Variants in SENP6 observed in about 807,000 individuals in gnomAD.
SENP6 encodes the protein sentrin-specific protease 6.
SENP6 carries 41 observed loss-of-function variants against 134.5 expected under a neutral mutation model. The observed-to-expected ratio is 0.30, with a 90% CI of 0.24 to 0.40. The LOEUF (loss-of-function observed/expected upper bound fraction) is 0.40. Ranked by LOEUF, SENP6 falls within the 10% of genes least tolerant of loss-of-function variation. The probability of loss-of-function intolerance (pLI) is 1.00; values close to 1 mark genes in which losing one functional copy is unlikely to be tolerated. For synonymous variants in SENP6, 395 were observed against 429.8 expected (o/e 0.92, Z 1.00); for missense variants, 1,248 against 1,312.5 (o/e 0.95, Z 0.76).
chr6:75,655,533 A>C (rs1771251699), intron 7 of SENP6, among the ~76,000 whole-genome samples: 1 of 152,076 alleles, frequency 6.6e-6, no homozygotes. Context: ...CTGTTCTAGG[A>C]CTTCATGTAA....
In SENP6 at chr6:75,703,049, G is replaced by A. The variant is rs1454031726; in HGVS notation, c.2693G>A (p.Ser898Asn). The change falls in exon 19 of 24, where the codon AGT becomes AAT. Residue 898 changes from serine (S) to asparagine (N), a missense_variant. This residue lies in a region of SENP6 where 386 missense variants were observed against 395.0 expected (regional missense o/e 0.98). Coordinates refer to ENST00000447266, the MANE Select transcript of SENP6 (RefSeq NM_015571.4). ...TKSENGLQNE[S>N]LSSTHHTDGL... ...AGTGAGAATGGCCTACAGAATGAAAGTTTAAGTTCCACACATCATACAGGT... is the reference window on the plus strand; with the variant it reads ...AGTGAGAATGGCCTACAGAATGAAAATTTAAGTTCCACACATCATACAGGT... 1.2e-6 allele frequency: 2 copies of A among 1,608,730 alleles called. No homozygotes were observed. The highest frequency in any genetic ancestry group is 1.7e-6 in the Non-Finnish European group (2 of 1,178,194).
At chr6:75,700,547 C>A (rs1286896061) in intron 18 of SENP6, among the ~76,000 whole-genome samples, 1 of 152,104 alleles carries the variant, frequency 6.6e-6, no homozygotes, top group African/African-American at 2.4e-5. Flanking sequence ...AGTGCAGTGG[C>A]ACCATCTCGG....
chr6:75,685,904 A>G (rs989265989), intron 16 of SENP6, among the ~76,000 whole-genome samples: 2 of 152,134 alleles, frequency 1.3e-5, no homozygotes, highest in African/African-American at 2.4e-5. Flanking sequence ...GTAGATGTCT[A>G]TTAGGTCTGC....
chr6:75,610,457 A>G (rs1767359837), intron 1 of SENP6, among the ~76,000 whole-genome samples: 1 of 152,208 alleles, frequency 6.6e-6, no homozygotes. Context: ...TCATCAGGTA[A>G]TAAAACAATG....
chr6:75,674,213 G>A (rs904046862), intron 11 of SENP6, among the ~76,000 whole-genome samples: 1 of 142,604 alleles, frequency 7.0e-6, no homozygotes, highest in Non-Finnish European at 1.5e-5. Context: ...CTGGAGTTCA[G>A]TGCTGCAGTC....
intron 7 of SENP6, among the ~76,000 whole-genome samples, chr6:75,648,153 A>G (rs1770599874): frequency 6.6e-6 from 1 of 152,178 alleles, no homozygotes; most frequent in Non-Finnish European, 1.5e-5. Context: ...TTTTGCTTCT[A>G]AAATTTAGAA....
Position 75,713,569 on chromosome 6 carries a change from A to C in SENP6, c.2966A>C (p.Lys989Thr), listed in dbSNP as rs770274947. The change falls in exon 22 of 24, where the codon AAA becomes ACA. Residue 989 changes from lysine (K) to threonine (T), a missense_variant. Lys to Thr is a moderately conservative substitution (Grantham distance 78, BLOSUM62 -1). Around this residue, in one of 3 missense-constraint regions of SENP6, gnomAD observed 386 missense variants for 395.0 expected, o/e 0.98. Coordinates refer to ENST00000447266, the MANE Select transcript of SENP6 (RefSeq NM_015571.4). ...GGCCCTTCTCGGTCAAATGTTGTCA[A>C]AATTTTAAGAGAGTAAGTTCACACT... is the stretch of plus-strand genomic sequence containing the variant. ...LRGPSRSNVV[K>T]ILREYLEVEW... The C allele has an allele frequency of 6.2e-7, 1 of 1,613,770 alleles. No homozygotes were observed. The highest frequency in any genetic ancestry group is 8.5e-7 in the Non-Finnish European group (1 of 1,179,768).
rs145031402 is a variant in SENP6, at chr6:75,663,290, A to G, written c.766A>G (p.Ile256Val). The G allele has an allele frequency of 5.4e-3, 8,755 of 1,613,736 alleles. 30 individuals are homozygous for G. Among genetic ancestry groups the G allele is most frequent in the Non-Finnish European group, 6.6e-3 (7,754 of 1,179,722 alleles). The part of the protein sequence containing the change: ...ESTGPLLRTS[I>V]HQNSGGQKSQ... ...TACTGGACCATTATTAAGAACGTCA[A>G]TTCATCAGAATTCTGGAGGACAGAA... is the stretch of plus-strand genomic sequence containing the variant. Residue 256 changes from isoleucine to valine, a missense_variant, in exon 9 of 24, where the codon ATT becomes GTT. Physicochemically the swap from Ile to Val is conservative, Grantham distance 29 (BLOSUM62 3). Around this residue, in one of 3 missense-constraint regions of SENP6, gnomAD observed 733 missense variants for 725.4 expected, o/e 1.01. Transcript: ENST00000447266.
chr6:75,681,520 G>A (rs976320258), intron 16 of SENP6, among the ~76,000 whole-genome samples: 12 of 150,974 alleles, frequency 7.9e-5, no homozygotes, highest in African/African-American at 2.0e-4. Flanking sequence ...GTGCAGTGGC[G>A]CGATCTTGGC....
chr6:75,688,544 C>A (rs77231818), intron 16 of SENP6, among the ~76,000 whole-genome samples: 19 of 152,058 alleles, frequency 1.2e-4, no homozygotes, highest in Non-Finnish European at 2.5e-4. Context: ...ACCCCACCCC[C>A]CCGTCCAGGA....
chr6:75,670,459 A>G, intron 10 of SENP6, 94 bp from the exon 11 acceptor site: 3 of 795,636 alleles, frequency 3.8e-6, no homozygotes, highest in Non-Finnish European at 5.7e-6. Context: ...TGTGATATTT[A>G]CATTTCTTAT....
In SENP6 at chr6:75,624,338, A is replaced by G. The variant is rs1054718970; in HGVS notation, c.207+378A>G. 2.6e-5 allele frequency among the ~76,000 whole-genome samples: 4 copies of G among 152,332 alleles called. No individual in the cohort carries two copies. In the East Asian group the frequency reaches 7.7e-4, roughly 29 times the overall value. On this transcript the variant is annotated intron_variant, in intron 3 of 23. Transcript: ENST00000447266. Reference sequence around the variant, plus strand: ...ATTCCACCTATTGATGGATATTTACAGAGTTGTCAACTTTTTAATTTTTTT... The same window carrying G: ...ATTCCACCTATTGATGGATATTTACGGAGTTGTCAACTTTTTAATTTTTTT...
At chr6:75,685,780 T>C (rs1206135297) in intron 16 of SENP6, among the ~76,000 whole-genome samples, 1 of 152,218 alleles carries the variant, frequency 6.6e-6, no homozygotes, top group African/African-American at 2.4e-5. Flanking sequence ...TGATTTCTAT[T>C]CTTTTACATT....
chr6:75,709,750 T>C (rs1775642663), intron 20 of SENP6, 120 bp downstream of exon 20: 2 of 593,438 alleles, frequency 3.4e-6, no homozygotes, highest in Non-Finnish European at 5.9e-6. Flanking sequence ...CAGAAAGATC[T>C]CTTGAGCCTA....
chr6:75,688,392 G>A (rs774466929), intron 16 of SENP6, among the ~76,000 whole-genome samples: 1 of 152,112 alleles, frequency 6.6e-6, no homozygotes, highest in Non-Finnish European at 1.5e-5. Context: ...CACCCTCCAT[G>A]GGCTGCATCC....
intron 3 of SENP6, among the ~76,000 whole-genome samples, chr6:75,626,771 A>G (rs1389373188): frequency 1.3e-5 from 2 of 152,144 alleles, no homozygotes; most frequent in South Asian, 2.1e-4. Context: ...GTATGACTCT[A>G]TTTCCCTGTA....
At chr6:75,690,288 T>C (rs970091758) in intron 16 of SENP6, among the ~76,000 whole-genome samples, 1 of 152,216 alleles carries the variant, frequency 6.6e-6, no homozygotes, top group Non-Finnish European at 1.5e-5. Flanking sequence ...GTGGAAACAA[T>C]CCTGCTGTCC....
chr6:75,664,103 A>G (rs1371204533), intron 9 of SENP6, among the ~76,000 whole-genome samples: 1 of 152,102 alleles, frequency 6.6e-6, no homozygotes, highest in Non-Finnish European at 1.5e-5. Flanking sequence ...TGCAAGCTAC[A>G]GATAAGAGTG....
At chr6:75,678,514 T>G (rs1773244886) in intron 14 of SENP6, 69 bp from the exon 15 acceptor site, 3 of 771,246 alleles carry the variant, frequency 3.9e-6, no homozygotes, top group Non-Finnish European at 6.7e-6. Context: ...ATTCTTGCCT[T>G]GTGCTTACCC....
Sources: allele counts gnomAD v4.1 joint callset (sites outside exome capture counted in the v4.1 genomes callset), GRCh38; gene constraint gnomAD v4.1.1; regional missense constraint gnomAD v4.1.1; transcripts MANE v1.5; gene names NCBI Gene and HGNC (gene_info 2026-07-23, HGNC 2026-07-21).